The following HTR4 variants were observed in gnomAD, a reference collection of about 807,000 sequenced individuals.
HTR4 encodes 5-hydroxytryptamine receptor 4.
A neutral mutation model predicts 36.8 loss-of-function variants in HTR4; 16 were observed. The observed-to-expected ratio is 0.43, with a 90% CI of 0.29 to 0.66. HTR4 has a LOEUF of 0.66. Ranked by LOEUF, HTR4 falls within the 30% of genes least tolerant of loss-of-function variation. HTR4 has a pLI of 0.13. For missense variants in HTR4, 438 were observed against 490.9 expected, an observed-to-expected ratio of 0.89 and a Z score of 1.02; for synonymous variants, 189 against 185.1, an observed-to-expected ratio of 1.02 and a Z score of -0.17.
chr5:148,619,902 AT>A (rs990186415), intron 2 of HTR4, among the ~76,000 whole-genome samples: 2 of 152,224 alleles, frequency 1.3e-5, no homozygotes, highest in African/African-American at 4.8e-5. Flanking sequence ...AAATGAGGCA[AT>A]TGATAATATA....
At chr5:148,539,632 A>T (rs1213106672) in intron 4 of HTR4, among the ~76,000 whole-genome samples, 1 of 152,212 alleles carries the variant, frequency 6.6e-6, no homozygotes, top group Non-Finnish European at 1.5e-5. Context: ...GCTCAATATC[A>T]CTGATCGTTA....
At chr5:148,571,469 T>C (rs1272833538) in intron 2 of HTR4, among the ~76,000 whole-genome samples, 2 of 152,130 alleles carry the variant, frequency 1.3e-5, no homozygotes, top group African/African-American at 4.8e-5. Context: ...CTTCTTTGTA[T>C]TTCAGTTAAG....
chr5:148,492,023 C>T (rs1373425947), intron 6 of HTR4, among the ~76,000 whole-genome samples: 1 of 152,216 alleles, frequency 6.6e-6, no homozygotes, highest in East Asian at 1.9e-4. Context: ...AAGGCCAGGG[C>T]ACCACATCAC....
intron 2 of HTR4, among the ~76,000 whole-genome samples, chr5:148,601,639 A>G (rs1164406316): frequency 6.6e-6 from 1 of 152,070 alleles, no homozygotes; most frequent in Non-Finnish European, 1.5e-5. Context: ...TCTCTTTGCT[A>G]AAAACACAAA....
At chr5:148,522,109 G>T (rs558220641) in intron 5 of HTR4, among the ~76,000 whole-genome samples, 1 of 152,048 alleles carries the variant, frequency 6.6e-6, no homozygotes, top group South Asian at 2.1e-4. Flanking sequence ...AACCCCCTTC[G>T]CTTGGCTCCC....
At chr5:148,632,849 A>C (rs543669506) in intron 2 of HTR4, among the ~76,000 whole-genome samples, 1 of 152,302 alleles carries the variant, frequency 6.6e-6, no homozygotes, top group Admixed American at 6.5e-5. Context: ...CATCAAAAGC[A>C]TAGCTGTTTC....
intron 2 of HTR4, among the ~76,000 whole-genome samples, chr5:148,599,803 A>G (rs1000290562): frequency 1.8e-4 from 28 of 152,118 alleles, no homozygotes; most frequent in African/African-American, 6.3e-4. Context: ...AAAACATCTA[A>G]GAAAGGAAGG....
downstream of HTR4, chr5:148,481,453 C>T (rs1385069322): frequency 1.1e-6 from 1 of 931,082 alleles, no homozygotes; most frequent in Non-Finnish European, 1.6e-6. Context: ...TTCTGAATAG[C>T]ATTTCTCTTT....
At chr5:148,527,327 G>C (rs1318409675) in intron 4 of HTR4, among the ~76,000 whole-genome samples, 3 of 152,114 alleles carry the variant, frequency 2.0e-5, no homozygotes, top group African/African-American at 7.2e-5. Context: ...ATTTACAAGA[G>C]GGCTTTAGAA....
At chr5:148,540,400 GTATATATATA>G (rs56021250) in intron 4 of HTR4, among the ~76,000 whole-genome samples, 9,952 of 74,248 alleles carry the variant, frequency 0.13, 812 homozygotes, top group Middle Eastern at 0.19. Context: ...TTATGTGTGT[GTATATATATA>G]TATATATATA....
chr5:148,582,232 T>C (rs994093380), intron 2 of HTR4, among the ~76,000 whole-genome samples: 5 of 152,108 alleles, frequency 3.3e-5, no homozygotes, highest in African/African-American at 4.8e-5. Flanking sequence ...TAACCTTTTT[T>C]ATATTTTTAG....
chr5:148,526,673 C>T (rs1411109492), intron 4 of HTR4, among the ~76,000 whole-genome samples: 1 of 152,072 alleles, frequency 6.6e-6, no homozygotes, highest in Non-Finnish European at 1.5e-5. Context: ...TATATATATA[C>T]ATGATGGGAT....
At chr5:148,628,691 C>A (rs1753211011) in intron 2 of HTR4, 1 of 152,058 alleles carries the variant, frequency 6.6e-6, no homozygotes, top group South Asian at 2.1e-4. Context: ...CTTTTTATTT[C>A]TTTTGTAAAT....
chr5:148,565,786 C>T (rs755315069), intron 2 of HTR4, among the ~76,000 whole-genome samples: 3 of 152,090 alleles, frequency 2.0e-5, no homozygotes, highest in Non-Finnish European at 2.9e-5. Flanking sequence ...AGATTCTCTA[C>T]CTGGATTAGA....
At chr5:148,462,798 C>A (rs1222979771) in intron 5 of HTR4, among the ~76,000 whole-genome samples, 2 of 152,122 alleles carry the variant, frequency 1.3e-5, no homozygotes. Flanking sequence ...AATGTATACA[C>A]AGAATTGCCC....
intron 6 of HTR4, among the ~76,000 whole-genome samples, chr5:148,495,119 G>C (rs1444664297): frequency 6.6e-6 from 1 of 152,226 alleles, no homozygotes; most frequent in Non-Finnish European, 1.5e-5. Flanking sequence ...CCTGGTGAGA[G>C]AGCAGGGAAA....
intron 2 of HTR4, among the ~76,000 whole-genome samples, chr5:148,572,704 A>G (rs998868261): frequency 3.3e-5 from 5 of 151,934 alleles, no homozygotes; most frequent in Admixed American, 2.6e-4. Flanking sequence ...TCATTCTTAA[A>G]CCATCATTTC....
intron 2 of HTR4, among the ~76,000 whole-genome samples, chr5:148,606,559 A>C (rs1482787370): frequency 1.3e-5 from 2 of 152,210 alleles, no homozygotes; most frequent in Non-Finnish European, 2.9e-5. Flanking sequence ...GTAATAGTGC[A>C]TGTAGAACAT....
At chr5:148,539,217 A>G (rs1468053238) in intron 4 of HTR4, among the ~76,000 whole-genome samples, 1 of 152,244 alleles carries the variant, frequency 6.6e-6, no homozygotes, top group Admixed American at 6.5e-5. Flanking sequence ...CATATACAAA[A>G]GCCAACTGAA....
Sources: allele counts gnomAD v4.1 joint callset (sites outside exome capture counted in the v4.1 genomes callset), GRCh38; gene constraint gnomAD v4.1.1; transcripts MANE v1.5; gene names NCBI Gene and HGNC (gene_info 2026-07-23, HGNC 2026-07-21).